PGCKA1: variants seen among roughly 807,000 people sequenced by gnomAD.
The protein encoded by PGCKA1 is PDCD10 and GCKIII kinases-associated protein 1.
chr4:37,582,090 C>G, the PGCKA1 span, among the ~76,000 whole-genome samples: 337 of 152,218 alleles, frequency 2.2e-3, 1 homozygote, highest in African/African-American at 7.8e-3. Context: ...ACTCTCCCTC[C>G]CCCAAACACA....
At chr4:37,569,684 T>A in the PGCKA1 span, among the ~76,000 whole-genome samples, 2 of 152,222 alleles carry the variant, frequency 1.3e-5, no homozygotes, top group Non-Finnish European at 2.9e-5. Context: ...AAGTTTGTTA[T>A]GAGAAAAAAA....
At chr4:37,503,760 A>C in the PGCKA1 span, among the ~76,000 whole-genome samples, 2 of 152,158 alleles carry the variant, frequency 1.3e-5, no homozygotes, top group African/African-American at 4.8e-5. Flanking sequence ...CTTTTGAGAA[A>C]TGTTTGAGAT....
At chr4:37,561,244 T>C in the PGCKA1 span, among the ~76,000 whole-genome samples, 75,044 of 151,954 alleles carry the variant, frequency 0.49, 19,055 homozygotes, top group East Asian at 0.67. Context: ...CAATCCTCCT[T>C]ATATGCTCAT....
chr4:37,562,950 G>T, the PGCKA1 span, among the ~76,000 whole-genome samples: 2 of 152,274 alleles, frequency 1.3e-5, no homozygotes, highest in East Asian at 1.9e-4. Context: ...TAGTAGGGGG[G>T]TGTTTAAGGC....
chr4:37,577,529 A>C, the PGCKA1 span, among the ~76,000 whole-genome samples: 54 of 151,442 alleles, frequency 3.6e-4, no homozygotes, highest in African/African-American at 1.3e-3. Flanking sequence ...TCTTTTGTTG[A>C]TCTTTTGTAT....
the PGCKA1 span, chr4:37,590,838 TC>T: frequency 6.2e-7 from 1 of 1,614,242 alleles, no homozygotes. Flanking sequence ...AGGGTCCTGT[TC>T]ATGCCATGCC....
At chr4:37,531,891 CAAAAAAAAAAA>C in the PGCKA1 span, among the ~76,000 whole-genome samples, 1 of 70,940 alleles carries the variant, frequency 1.4e-5, no homozygotes, top group Non-Finnish European at 3.1e-5. Context: ...GAATCTGTCT[CAAAAAAAAAAA>C]AAAAAAAAAA....
the PGCKA1 span, among the ~76,000 whole-genome samples, chr4:37,459,141 C>T: frequency 6.6e-6 from 1 of 151,226 alleles, no homozygotes; most frequent in Non-Finnish European, 1.5e-5. Context: ...CAGAGTTTTG[C>T]GTGAAAAAAA....
the PGCKA1 span, among the ~76,000 whole-genome samples, chr4:37,563,026 G>A: frequency 1.3e-5 from 2 of 152,068 alleles, no homozygotes; most frequent in South Asian, 4.2e-4. Context: ...AGGAATATTG[G>A]GTTCCAACTC....
the PGCKA1 span, chr4:37,590,701 T>A: frequency 3.7e-6 from 6 of 1,613,888 alleles, no homozygotes; most frequent in South Asian, 1.1e-5. Flanking sequence ...TGAGGATGAA[T>A]CCCTAGAGGG....
the PGCKA1 span, among the ~76,000 whole-genome samples, chr4:37,512,855 G>A: frequency 1.1e-4 from 16 of 152,168 alleles, no homozygotes; most frequent in African/African-American, 2.2e-4. Flanking sequence ...TTGGGAGGCC[G>A]AAGGGGGCAG....
the PGCKA1 span, among the ~76,000 whole-genome samples, chr4:37,513,560 A>C: frequency 6.6e-6 from 1 of 152,120 alleles, no homozygotes; most frequent in South Asian, 2.1e-4. Flanking sequence ...ACCTCATTTA[A>C]CCTTAATTAT....
At chr4:37,561,545 A>G in the PGCKA1 span, among the ~76,000 whole-genome samples, 6 of 152,218 alleles carry the variant, frequency 3.9e-5, no homozygotes, top group South Asian at 2.1e-4. Flanking sequence ...AAGAAGGCCA[A>G]TGTGGCCAGG....
chr4:37,538,165 G>GTGA, the PGCKA1 span, among the ~76,000 whole-genome samples: 1 of 152,136 alleles, frequency 6.6e-6, no homozygotes, highest in Non-Finnish European at 1.5e-5. Flanking sequence ...ACTGGATCCA[G>GTGA]TGAAGAGTCT....
At chr4:37,555,749 C>T in the PGCKA1 span, among the ~76,000 whole-genome samples, 1 of 152,182 alleles carries the variant, frequency 6.6e-6, no homozygotes, top group Non-Finnish European at 1.5e-5. Flanking sequence ...ATCTGAGGCA[C>T]TGTAGAGCCC....
chr4:37,580,287 A>C, the PGCKA1 span, among the ~76,000 whole-genome samples: 1 of 133,258 alleles, frequency 7.5e-6, no homozygotes, highest in African/African-American at 2.9e-5. Context: ...AGCTTTAGTT[A>C]GTTCTTTCGG....
At chr4:37,466,339 C>G in the PGCKA1 span, among the ~76,000 whole-genome samples, 63,768 of 152,008 alleles carry the variant, frequency 0.42, 13,909 homozygotes, top group East Asian at 0.56. Flanking sequence ...GTTGGGGCAA[C>G]TCATTTAATC....
At chr4:37,570,273 C>T in the PGCKA1 span, among the ~76,000 whole-genome samples, 1 of 148,382 alleles carries the variant, frequency 6.7e-6, no homozygotes, top group Non-Finnish European at 1.5e-5. Flanking sequence ...GCTGGGATTA[C>T]AGGCATGAGC....
the PGCKA1 span, among the ~76,000 whole-genome samples, chr4:37,555,371 C>T: frequency 6.6e-6 from 1 of 152,180 alleles, no homozygotes; most frequent in Admixed American, 6.5e-5. Context: ...AATTATGTGA[C>T]GTTATCAATT....
Sources: allele counts gnomAD v4.1 joint callset (sites outside exome capture counted in the v4.1 genomes callset), GRCh38; gene constraint gnomAD v4.1.1; transcripts MANE v1.5; gene names NCBI Gene and HGNC (gene_info 2026-07-23, HGNC 2026-07-21).